SLC8A1: variants seen among roughly 807,000 people sequenced by gnomAD.
SLC8A1 encodes the protein solute carrier family 8 member A1.
Under a neutral mutation model 68.3 loss-of-function variants are expected in SLC8A1, and 18 were observed. The ratio of observed to expected loss-of-function variants is 0.26; its 90% CI spans 0.18 to 0.39. The LOEUF (loss-of-function observed/expected upper bound fraction) is 0.39. SLC8A1 is among the 10% of genes least tolerant of loss of function. SLC8A1 has a pLI of 1.00. For missense variants in SLC8A1, 985 were observed against 1,156.7 expected, an observed-to-expected ratio of 0.85 and a Z score of 2.15; for synonymous variants, 475 against 415.5, an observed-to-expected ratio of 1.14 and a Z score of -1.74.
At chr2:40,287,123 A>G (rs2068448707) in intron 2 of SLC8A1, among the ~76,000 whole-genome samples, 1 of 152,252 alleles carries the variant, frequency 6.6e-6, no homozygotes, top group Admixed American at 6.5e-5. Flanking sequence ...TGTCTGGCAG[A>G]GAACACTAAA....
At chr2:40,160,934 G>T in intron 5 of SLC8A1, 70 bp from the exon 9 acceptor site, 1 of 1,136,350 alleles carries the variant, frequency 8.8e-7, no homozygotes, top group South Asian at 1.3e-5. Flanking sequence ...AGACCTTGTT[G>T]ATTTTGAAAC....
At chr2:40,430,327 G>C (rs183647585) in intron 1 of SLC8A1, 23 bp from the exon 2 acceptor site, 3 of 1,545,514 alleles carry the variant, frequency 1.9e-6, no homozygotes, top group East Asian at 2.3e-5. Flanking sequence ...AGATGGGGGA[G>C]AGGGCAGAAA....
Position 40,367,214 on chromosome 2 carries a change from A to T in SLC8A1, c.1808+61259T>A, listed in dbSNP as rs1331765564. Among the ~76,000 whole-genome samples the T allele has an allele frequency of 2.0e-5, 3 of 151,988 alleles. 1 individual carries two copies. The highest frequency in any genetic ancestry group is 4.1e-4 in the South Asian group (2 of 4,826). ...ACTCTTGCTTAATCAGGCAGATGGC[A>T]TCCTTGTTCTGCCTCCTAGTCTCTG... On this transcript the variant is annotated intron_variant, in intron 2 of 7. Coordinates refer to ENST00000406785, the Ensembl canonical transcript of SLC8A1.
intron 2 of SLC8A1, among the ~76,000 whole-genome samples, chr2:40,392,220 A>G (rs370567767): frequency 7.5e-4 from 113 of 151,654 alleles, no homozygotes; most frequent in African/African-American, 2.5e-3. Context: ...AGAAAAAGAA[A>G]AGAGAAAGAA....
At chr2:40,300,305 C>T (rs1575181252) in intron 2 of SLC8A1, among the ~76,000 whole-genome samples, 1 of 152,176 alleles carries the variant, frequency 6.6e-6, no homozygotes, top group East Asian at 1.9e-4. Flanking sequence ...CTTGTTATCA[C>T]ACCCATCTGA....
intron 2 of SLC8A1, among the ~76,000 whole-genome samples, chr2:40,264,867 A>G (rs886339118): frequency 4.6e-5 from 7 of 152,130 alleles, no homozygotes; most frequent in Non-Finnish European, 1.5e-5. Flanking sequence ...TAGAGCACAC[A>G]TGTCATTAAT....
intron 2 of SLC8A1, among the ~76,000 whole-genome samples, chr2:40,342,600 AG>A (rs1031003056): frequency 3.9e-4 from 59 of 152,258 alleles, no homozygotes; most frequent in African/African-American, 1.3e-3. Context: ...TATTTCCCCC[AG>A]GGGGCCAACA....
intron 2 of SLC8A1, among the ~76,000 whole-genome samples, chr2:40,332,970 C>G (rs2076570161): frequency 6.6e-6 from 1 of 152,160 alleles, no homozygotes; most frequent in African/African-American, 2.4e-5. Context: ...CCTTTCTGCA[C>G]AATGCAATAC....
chr2:40,112,573 A>C (rs929065371), exon 8 of SLC8A1: 6 of 152,708 alleles, frequency 3.9e-5, no homozygotes, highest in Non-Finnish European at 7.4e-5. Context: ...AATGAGTGCA[A>C]AAATTTTTCT....
chr2:40,144,245 G>T (rs563506020), intron 6 of SLC8A1, among the ~76,000 whole-genome samples: 60 of 152,216 alleles, frequency 3.9e-4, no homozygotes, highest in Middle Eastern at 3.4e-3. Flanking sequence ...AACCTGGTGG[G>T]GTGTCTCTTA....
chr2:40,411,594 C>T (rs1312771343), intron 2 of SLC8A1, among the ~76,000 whole-genome samples: 1 of 151,476 alleles, frequency 6.6e-6, no homozygotes, highest in Non-Finnish European at 1.5e-5. Flanking sequence ...TTAAAAAAAC[C>T]TGAAAAAACA....
chr2:40,244,830 C>T (rs923153679), intron 2 of SLC8A1, among the ~76,000 whole-genome samples: 2 of 152,066 alleles, frequency 1.3e-5, no homozygotes, highest in African/African-American at 4.8e-5. Flanking sequence ...TTCTTCCTCC[C>T]GAGGAAAGGG....
chr2:40,352,554 G>T (rs1324918666), intron 2 of SLC8A1, among the ~76,000 whole-genome samples: 1 of 152,084 alleles, frequency 6.6e-6, no homozygotes, highest in East Asian at 1.9e-4. Flanking sequence ...CTAGAGATTA[G>T]GAAAAATATA....
At chr2:40,355,878 G>T (rs1449148930) in intron 2 of SLC8A1, among the ~76,000 whole-genome samples, 1 of 152,076 alleles carries the variant, frequency 6.6e-6, no homozygotes, top group Admixed American at 6.6e-5. Context: ...ATTTCCTGGG[G>T]TGTTCTACAA....
intron 2 of SLC8A1, among the ~76,000 whole-genome samples, chr2:40,416,526 A>T (rs1017992638): frequency 1.3e-4 from 20 of 152,108 alleles, no homozygotes; most frequent in South Asian, 4.1e-4. Context: ...GTCATTTTTT[A>T]AAAAAATTTT....
intron 2 of SLC8A1, among the ~76,000 whole-genome samples, chr2:40,252,921 A>ACATACATGTATAT (rs1412604197): frequency 1.4e-5 from 2 of 138,266 alleles, no homozygotes. Flanking sequence ...GTGTATATAT[A>ACATACATGTATAT]CATACATGTA....
intron 2 of SLC8A1, 87 bp from the exon 3 acceptor site, chr2:40,178,580 G>T (rs2048898045): frequency 9.0e-7 from 1 of 1,113,800 alleles, no homozygotes; most frequent in Admixed American, 2.0e-5. Flanking sequence ...AGGTTAACCA[G>T]CTGCACTTTC....
intron 7 of SLC8A1, among the ~76,000 whole-genome samples, chr2:40,128,412 T>C (rs1181980806): frequency 6.6e-6 from 1 of 152,202 alleles, no homozygotes; most frequent in Non-Finnish European, 1.5e-5. Context: ...TTGGTCTCTG[T>C]ACTCTCTTCC....
intron 1 of SLC8A1, among the ~76,000 whole-genome samples, chr2:40,440,273 G>T (rs1397001860): frequency 2.0e-5 from 3 of 152,140 alleles, no homozygotes; most frequent in Admixed American, 2.0e-4. Flanking sequence ...TTTGGTGACA[G>T]ATGAGGATTA....
Sources: allele counts gnomAD v4.1 joint callset (sites outside exome capture counted in the v4.1 genomes callset), GRCh38; gene constraint gnomAD v4.1.1; transcripts MANE v1.5; gene names NCBI Gene and HGNC (gene_info 2026-07-23, HGNC 2026-07-21).